Variants in ARHGAP20 observed in about 807,000 individuals in gnomAD.
ARHGAP20 encodes rho GTPase-activating protein 20.
Under a neutral mutation model 73.7 loss-of-function variants are expected in ARHGAP20, and 34 were observed. The observed-to-expected ratio is 0.46, with a 90% CI of 0.35 to 0.61. The LOEUF is 0.61. Ranked by LOEUF, ARHGAP20 falls within the 20% of genes least tolerant of loss-of-function variation. ARHGAP20 has a pLI of 0.00. For synonymous variants in ARHGAP20, 523 were observed against 518.2 expected (o/e 1.01, Z -0.13); for missense variants, 1,314 against 1,420.9 (o/e 0.92, Z 1.21).
At chr11:110,639,185 T>C (rs1355204974) in intron 2 of ARHGAP20, among the ~76,000 whole-genome samples, 1 of 151,942 alleles carries the variant, frequency 6.6e-6, no homozygotes, top group Non-Finnish European at 1.5e-5. Flanking sequence ...GCTGCTTGGC[T>C]CAGTTTCTAG....
Position 110,644,011 on chromosome 11 carries a change from C to A in ARHGAP20, c.189-13219G>T, listed in dbSNP as rs1395527779. On this transcript the variant is annotated intron_variant, in intron 2 of 14. Transcript: ENST00000683387. Reference sequence around the variant, plus strand: ...CCTTTATCATTATAGCATTTCTATACAACAATGAGCAAGCTGAGAGATAAG... The same window carrying A: ...CCTTTATCATTATAGCATTTCTATAAAACAATGAGCAAGCTGAGAGATAAG... Among the ~76,000 whole-genome samples, 3 of 151,954 alleles carry A rather than the reference C, an allele frequency of 2.0e-5. No homozygotes were observed. The East Asian group carries it at 5.8e-4, about 29-fold the overall frequency.
intron 9 of ARHGAP20, among the ~76,000 whole-genome samples, chr11:110,599,418 A>T (rs1948054872): frequency 6.6e-6 from 1 of 152,200 alleles, no homozygotes; most frequent in South Asian, 2.1e-4. Flanking sequence ...GGTGCCAACA[A>T]GCATAGGAGG....
At chr11:110,624,456 C>T (rs1165251391) in intron 3 of ARHGAP20, 145 bp from the exon 4 acceptor site, 16 of 588,630 alleles carry the variant, frequency 2.7e-5, no homozygotes, top group African/African-American at 3.9e-5. Context: ...AGAGTGAGAG[C>T]TGAACATTGA....
chr11:110,648,204 TATGTAA>T (rs1565457406), intron 2 of ARHGAP20, among the ~76,000 whole-genome samples: 3 of 77,924 alleles, frequency 3.8e-5, no homozygotes, highest in African/African-American at 2.1e-4. Flanking sequence ...TATATATATA[TATGTAA>T]ATATATATAT....
intron 2 of ARHGAP20, among the ~76,000 whole-genome samples, chr11:110,674,610 G>A (rs1715785742): frequency 1.3e-5 from 2 of 152,180 alleles, no homozygotes; most frequent in South Asian, 4.1e-4. Context: ...TTTGTACTTA[G>A]AAATCCCCAA....
Position 110,630,675 on chromosome 11 carries a change from C to G in ARHGAP20, c.306G>C (p.Glu102Asp), listed in dbSNP as rs778214480. The change falls in exon 3 of 15, where the codon GAG becomes GAC. Residue 102 changes from glutamate (E) to aspartate (D), a missense_variant. Physicochemically the swap from Glu to Asp is conservative, Grantham distance 45. This residue lies in a region of ARHGAP20 where 443 missense variants were observed against 466.4 expected (regional missense o/e 0.95). Coordinates refer to ENST00000683387, the MANE Select transcript of ARHGAP20 (RefSeq NM_001384657.1). The stretch of plus-strand genomic sequence containing the variant: ...GATCATTGAATAGGAAAAGATGCCG[C>G]TCCTGCCTCTGGAGGCCTCTTTTGA... ...AELKRGLQRQ[E>D]RHLFLFNDLF... 5.0e-6 allele frequency: 8 copies of G among 1,614,010 alleles called. No homozygotes were observed. The African/African-American group carries it at 8.0e-5, about 16-fold the overall frequency.
chr11:110,643,264 G>A (rs919080118), intron 2 of ARHGAP20, among the ~76,000 whole-genome samples: 1 of 151,760 alleles, frequency 6.6e-6, no homozygotes. Flanking sequence ...TTTATGTCTC[G>A]ATTTCATCCA....
chr11:110,667,663 G>A (rs1026840676), intron 2 of ARHGAP20, among the ~76,000 whole-genome samples: 5 of 152,146 alleles, frequency 3.3e-5, no homozygotes, highest in African/African-American at 9.7e-5. Context: ...TCTGGGCAAA[G>A]TAAACTGAAA....
chr11:110,679,326 C>CA (rs1255784780), intron 2 of ARHGAP20, among the ~76,000 whole-genome samples: 4 of 152,268 alleles, frequency 2.6e-5, no homozygotes, highest in African/African-American at 7.2e-5. Context: ...TTACACAGAG[C>CA]AACTCTGATA....
chr11:110,582,920 C>T (rs993343338), intron 13 of ARHGAP20, among the ~76,000 whole-genome samples: 5 of 152,154 alleles, frequency 3.3e-5, no homozygotes, highest in Non-Finnish European at 7.4e-5. Context: ...TGTACTGCCA[C>T]CTTCTGATAG....
intron 9 of ARHGAP20, among the ~76,000 whole-genome samples, chr11:110,598,091 A>G (rs769747981): frequency 1.6e-4 from 24 of 152,138 alleles, no homozygotes; most frequent in Admixed American, 9.8e-4. Context: ...CGTTGTGTTT[A>G]TATAATAATA....
At chr11:110,693,687 T>C (rs1416768459) in intron 1 of ARHGAP20, among the ~76,000 whole-genome samples, 1 of 151,942 alleles carries the variant, frequency 6.6e-6, no homozygotes, top group Non-Finnish European at 1.5e-5. Context: ...TCTTAAAGAA[T>C]CTGTTCTCAG....
At position 110,609,002 on chromosome 11, in the gene ARHGAP20, C is replaced by A. The variant is rs1347063762; in HGVS notation, c.757G>T (p.Ala253Ser). The change falls in exon 8 of 15, where the codon GCT (alanine) becomes TCT (serine). Residue 253 changes from alanine to serine, a missense_variant. By Grantham distance (99) the Ala-to-Ser change is moderately conservative. Around this residue, in one of 3 missense-constraint regions of ARHGAP20, gnomAD observed 443 missense variants for 466.4 expected, o/e 0.95. Transcript: ENST00000683387. ...AACTTACCAATGAGTGGGTATGGAG[C>A]CTCTTCTTTGCCAGAATTGACCCAC... ...QLWVNSGKEE[A>S]PYPLIGHEYP... 3 of 1,613,460 alleles carry A rather than the reference C, an allele frequency of 1.9e-6. No individual in the cohort carries two copies. Among genetic ancestry groups the A allele is most frequent in the Admixed American group, 1.7e-5 (1 of 59,970 alleles).
intron 6 of ARHGAP20, among the ~76,000 whole-genome samples, chr11:110,613,256 T>C (rs1018191000): frequency 6.6e-6 from 1 of 152,210 alleles, no homozygotes; most frequent in Non-Finnish European, 1.5e-5. Context: ...GGCAATTTTG[T>C]TCCATATTAG....
intron 9 of ARHGAP20, among the ~76,000 whole-genome samples, chr11:110,597,635 T>G (rs1347941313): frequency 1.3e-5 from 2 of 152,160 alleles, no homozygotes; most frequent in Non-Finnish European, 2.9e-5. Flanking sequence ...AAATAAAAAC[T>G]TATTTGATTT....
rs1391742072 is a variant in ARHGAP20, at chr11:110,586,236, C to A, written c.1395G>T (p.Glu465Asp). 6.5e-7 allele frequency: 1 copy of A among 1,536,544 alleles called. No individual in the cohort carries two copies. The highest frequency in any genetic ancestry group is 1.4e-5 in the African/African-American group (1 of 71,954). Residue 465 changes from glutamate to aspartate, a missense_variant, in exon 12 of 15, where the codon GAG becomes GAT. This residue lies in a region of ARHGAP20 where 230 missense variants were observed against 317.6 expected (regional missense o/e 0.72). Coordinates refer to ENST00000683387, the MANE Select transcript of ARHGAP20 (RefSeq NM_001384657.1). ...ATTACCTTTGAACAGTATTTATTTTCTCTTCATCATTTCCTTGATCCATTA... is the reference window on the plus strand; with the variant it reads ...ATTACCTTTGAACAGTATTTATTTTATCTTCATCATTTCCTTGATCCATTA... ...VSVMDQGNDE[E>D]KINTVQRLLD...
chr11:110,621,690 A>T (rs1159855338), intron 4 of ARHGAP20, among the ~76,000 whole-genome samples: 1 of 151,952 alleles, frequency 6.6e-6, no homozygotes, highest in Non-Finnish European at 1.5e-5. Context: ...TGCCATGCTT[A>T]CTTATGAAAG....
chr11:110,594,176 G>A (rs1335335771), intron 9 of ARHGAP20, among the ~76,000 whole-genome samples: 3 of 151,834 alleles, frequency 2.0e-5, no homozygotes, highest in South Asian at 2.1e-4. Context: ...AGTAAGCAAC[G>A]TTTTACCAAA....
chr11:110,648,041 A>G (rs1207776678), intron 2 of ARHGAP20, among the ~76,000 whole-genome samples: 1 of 151,328 alleles, frequency 6.6e-6, no homozygotes, highest in Non-Finnish European at 1.5e-5. Context: ...AAACTACCTT[A>G]TGTATTAAAG....
Sources: allele counts gnomAD v4.1 joint callset (sites outside exome capture counted in the v4.1 genomes callset), GRCh38; gene constraint gnomAD v4.1.1; regional missense constraint gnomAD v4.1.1; transcripts MANE v1.5; gene names NCBI Gene and HGNC (gene_info 2026-07-23, HGNC 2026-07-21).